IQCM: variants seen among roughly 807,000 people sequenced by gnomAD.
The protein encoded by IQCM is IQ motif containing M, also known as IQ domain-containing protein M.
In IQCM, 45 loss-of-function variants were observed where a neutral mutation model predicts 57.6. That is an observed-to-expected ratio of 0.78 (90% CI 0.62 to 1.00). The LOEUF (loss-of-function observed/expected upper bound fraction) is 1.00, where lower values mean the gene tolerates loss of function less well. IQCM is among the 50% of genes least tolerant of loss of function. IQCM has a pLI of 0.00. For synonymous variants in IQCM, 148 were observed against 158.9 expected, an observed-to-expected ratio of 0.93 and a Z score of 0.51; for missense variants, 468 against 511.6, an observed-to-expected ratio of 0.91 and a Z score of 0.82.
chr4:149,403,394 C>G (rs1453577518), intron 13 of IQCM, among the ~76,000 whole-genome samples: 1 of 151,934 alleles, frequency 6.6e-6, no homozygotes, highest in Non-Finnish European at 1.5e-5. Flanking sequence ...AAAACAAGGG[C>G]TGAATTCCAA....
intron 2 of IQCM, among the ~76,000 whole-genome samples, chr4:149,793,443 A>G (rs775491329): frequency 6.6e-6 from 1 of 152,138 alleles, no homozygotes; most frequent in East Asian, 1.9e-4. Context: ...GCTTCTGACT[A>G]TCTTTATCCT....
At chr4:149,463,384 A>G (rs1738513517) in intron 12 of IQCM, among the ~76,000 whole-genome samples, 1 of 152,248 alleles carries the variant, frequency 6.6e-6, no homozygotes. Flanking sequence ...TTGTGATTTT[A>G]GAGACGTTGA....
intron 5 of IQCM, among the ~76,000 whole-genome samples, chr4:149,719,713 T>C (rs1364784852): frequency 6.6e-6 from 1 of 152,244 alleles, no homozygotes; most frequent in Non-Finnish European, 1.5e-5. Context: ...CAAGCTCACA[T>C]CATCCTTGTT....
intron 7 of IQCM, among the ~76,000 whole-genome samples, chr4:149,623,718 GGTGTGTGTGTGTGTGTGTGT>G (rs3057342): frequency 6.8e-6 from 1 of 145,998 alleles, no homozygotes; most frequent in Non-Finnish European, 1.5e-5. Flanking sequence ...CTGAATCCCA[GGTGTGTGTGTGTGTGTGTGT>G]GTGTGTGTGT....
chr4:149,763,299 GCAGATCCCAAA>G (rs1769714966), intron 2 of IQCM, among the ~76,000 whole-genome samples: 1 of 152,040 alleles, frequency 6.6e-6, no homozygotes, highest in Non-Finnish European at 1.5e-5. Context: ...AGATGGACAA[GCAGATCCCAAA>G]TCCAGATATG....
chr4:149,741,109 G>A (rs1461352921), intron 3 of IQCM, among the ~76,000 whole-genome samples: 1 of 152,070 alleles, frequency 6.6e-6, no homozygotes, highest in East Asian at 1.9e-4. Flanking sequence ...AATTTCAAGT[G>A]GCATCTGGTT....
chr4:149,458,097 A>T (rs780015802), intron 12 of IQCM, among the ~76,000 whole-genome samples: 23 of 152,060 alleles, frequency 1.5e-4, no homozygotes, highest in Non-Finnish European at 2.8e-4. Context: ...TAAGTACCAC[A>T]GGTTAAGATT....
chr4:149,391,914 T>A (rs1731883555), intron 13 of IQCM, among the ~76,000 whole-genome samples: 1 of 151,990 alleles, frequency 6.6e-6, no homozygotes, highest in Non-Finnish European at 1.5e-5. Context: ...TGCTGAAGAA[T>A]GTTCCATATG....
At chr4:149,429,432 C>G (rs1420810093) in intron 13 of IQCM, among the ~76,000 whole-genome samples, 1 of 151,804 alleles carries the variant, frequency 6.6e-6, no homozygotes, top group East Asian at 1.9e-4. Context: ...GAAATTATGA[C>G]TTATGCAGCA....
intron 2 of IQCM, among the ~76,000 whole-genome samples, chr4:149,813,356 A>G (rs1774766933): frequency 6.6e-6 from 1 of 152,236 alleles, no homozygotes; most frequent in Non-Finnish European, 1.5e-5. Context: ...TTTAAAAGAC[A>G]TGAACCCACA....
intron 13 of IQCM, among the ~76,000 whole-genome samples, chr4:149,368,830 A>ACGTATATATATACATATATATACG (rs1491411750): frequency 2.9e-5 from 2 of 68,310 alleles, no homozygotes; most frequent in African/African-American, 1.1e-4. Flanking sequence ...ATATATATAC[A>ACGTATATATATACATATATATACG]TGTATATATA....
chr4:149,486,017 GTCTCTCTCTCTCTC>G (rs71596213), intron 12 of IQCM, among the ~76,000 whole-genome samples: 5,451 of 121,682 alleles, frequency 0.045, 360 homozygotes, highest in African/African-American at 0.15. Flanking sequence ...AGCAAACAGA[GTCTCTCTCTCTCTC>G]TCTCTCTCTC....
intron 12 of IQCM, among the ~76,000 whole-genome samples, chr4:149,523,290 G>T (rs1037817836): frequency 1.3e-5 from 2 of 151,858 alleles, no homozygotes; most frequent in Admixed American, 6.6e-5. Flanking sequence ...AAATTTTGGG[G>T]AAATACATTC....
At chr4:149,500,459 A>G (rs148911044) in intron 12 of IQCM, among the ~76,000 whole-genome samples, 1 of 152,306 alleles carries the variant, frequency 6.6e-6, no homozygotes, top group African/African-American at 2.4e-5. Flanking sequence ...AAAGAGTTCA[A>G]ATATTCAGAC....
At chr4:149,724,176 G>A (rs1199614276) in intron 5 of IQCM, among the ~76,000 whole-genome samples, 1 of 151,912 alleles carries the variant, frequency 6.6e-6, no homozygotes, top group Non-Finnish European at 1.5e-5. Flanking sequence ...AATCTGCAGA[G>A]TTCATAGAAC....
At chr4:149,760,645 A>G (rs1458722771) in intron 2 of IQCM, among the ~76,000 whole-genome samples, 4 of 152,048 alleles carry the variant, frequency 2.6e-5, no homozygotes, top group African/African-American at 9.7e-5. Flanking sequence ...ATACAAATAA[A>G]AACTACCAAT....
At position 149,672,226 on chromosome 4, in the gene IQCM, G is replaced by A. The variant is rs551890408; in HGVS notation, c.565+9892C>T. Reference sequence around the variant, plus strand: ...ATCAGAGCGGCTCTTCTCCTCCAAGGAAACGCAGCTCCTCGCCAGCAACGG... The same window carrying A: ...ATCAGAGCGGCTCTTCTCCTCCAAGAAAACGCAGCTCCTCGCCAGCAACGG... On this transcript the variant is annotated intron_variant, in intron 7 of 13. Coordinates refer to ENST00000636793, the MANE Select transcript of IQCM (RefSeq NM_001363507.2). Among the ~76,000 whole-genome samples, 21 of 152,308 alleles carry A rather than the reference G, an allele frequency of 1.4e-4. No individual in the cohort carries two copies. In the South Asian group the frequency reaches 3.5e-3, roughly 26 times the overall value.
At chr4:149,610,567 T>C (rs944234908) in intron 8 of IQCM, among the ~76,000 whole-genome samples, 1 of 151,932 alleles carries the variant, frequency 6.6e-6, no homozygotes, top group Non-Finnish European at 1.5e-5. Flanking sequence ...AGTAAATTCA[T>C]GTATTTACAG....
chr4:149,796,301 GT>G (rs1773111487), intron 2 of IQCM, among the ~76,000 whole-genome samples: 1 of 152,202 alleles, frequency 6.6e-6, no homozygotes, highest in Admixed American at 6.5e-5. Flanking sequence ...TGAGGTGGTA[GT>G]GGTCACAGAG....
Sources: gnomAD v4.1 joint callset for allele counts (sites outside exome capture counted in the v4.1 genomes callset) on GRCh38, gnomAD v4.1.1 for gene constraint, MANE v1.5 for transcripts, NCBI Gene and HGNC (gene_info 2026-07-23, HGNC 2026-07-21) for gene names.